Variants in TENT5D observed in about 807,000 individuals in gnomAD.
TENT5D encodes the protein terminal nucleotidyltransferase 5D.
For missense variants in TENT5D, 191 were observed against 287.0 expected (o/e 0.67, Z 2.42); for synonymous variants, 103 against 100.6 (o/e 1.02, Z -0.15).
chrX:80,349,529 C>A (rs561387978), intron 3 of TENT5D, among the ~76,000 whole-genome samples: 1 of 110,129 alleles, frequency 9.1e-6, no homozygotes, highest in East Asian at 2.9e-4. Flanking sequence ...TTTATTGTGT[C>A]TGTTTGATTC....
chrX:80,397,024 G>A (rs762312531), intron 3 of TENT5D, among the ~76,000 whole-genome samples: 7 of 97,343 alleles, frequency 7.2e-5, no homozygotes, highest in African/African-American at 1.1e-4. Flanking sequence ...CTGGCCGGGG[G>A]GGGGGCTGAC....
At chrX:80,341,936 C>G (rs1289876015) in intron 2 of TENT5D, among the ~76,000 whole-genome samples, 1 of 108,405 alleles carries the variant, frequency 9.2e-6, no homozygotes, top group African/African-American at 3.3e-5. Context: ...TGGTCTCGAT[C>G]TCCTGACCTC....
At chrX:80,402,676 A>C (rs1931409610) in intron 3 of TENT5D, among the ~76,000 whole-genome samples, 2 of 111,329 alleles carry the variant, frequency 1.8e-5, no homozygotes, top group South Asian at 7.4e-4. Flanking sequence ...TTTAATTTTC[A>C]TGTATTTGTG....
intron 2 of TENT5D, among the ~76,000 whole-genome samples, chrX:80,337,242 AT>A (rs766683705): frequency 8.9e-6 from 1 of 112,049 alleles, no homozygotes; most frequent in South Asian, 3.7e-4. Context: ...TAAAATATTT[AT>A]AAAATGTGTG....
intron 3 of TENT5D, among the ~76,000 whole-genome samples, chrX:80,408,948 G>T: frequency 9.0e-6 from 1 of 110,711 alleles, no homozygotes; most frequent in South Asian, 3.9e-4. Flanking sequence ...TTCAATATAC[G>T]CAAATCAATA....
intron 3 of TENT5D, among the ~76,000 whole-genome samples, chrX:80,387,260 G>T (rs916168810): frequency 8.0e-5 from 9 of 112,007 alleles, no homozygotes; most frequent in African/African-American, 2.6e-4. Flanking sequence ...TTGTAGTGCG[G>T]TCAGATTTTA....
chrX:80,396,074 C>T (rs1272071628), intron 3 of TENT5D, among the ~76,000 whole-genome samples: 3 of 109,628 alleles, frequency 2.7e-5, no homozygotes, highest in Non-Finnish European at 3.8e-5. Context: ...ATATATACCA[C>T]ACTTTCTTTA....
In TENT5D at chrX:80,392,495, C is replaced by CTTTTTTTTTTTTTTTTTTTTT. The variant is rs72029455; in HGVS notation, c.-141-46103_-141-46083dup. ...TTTATAGCTTTATTCTCATTTTATT[C>CTTTTTTTTTTTTTTTTTTTTT]TTTTTTTTTTTTTTTTTTTTTTTTT... On this transcript the variant is annotated intron_variant, in intron 3 of 4. Coordinates refer to the TENT5D transcript ENST00000538312. 8.2e-5 allele frequency among the ~76,000 whole-genome samples: 2 copies of CTTTTTTTTTTTTTTTTTTTTT among 24,303 alleles called. 1 individual carries two copies. Among genetic ancestry groups the CTTTTTTTTTTTTTTTTTTTTT allele is most frequent in the Non-Finnish European group, 1.3e-4 (2 of 15,400 alleles). The allele number at this position is 24,303 out of a possible 115,157, so 21.1% of individuals were successfully genotyped here.
intron 3 of TENT5D, among the ~76,000 whole-genome samples, chrX:80,364,313 C>T (rs758027835): frequency 3.0e-4 from 34 of 111,781 alleles, no homozygotes; most frequent in African/African-American, 1.0e-3. Flanking sequence ...CTTTACTCCA[C>T]GTGCAGTAAA....
rs145679390 is a variant in TENT5D at position 80,346,126 on chromosome X, T to C, written c.-142+3562T>C. 3.7e-3 allele frequency among the ~76,000 whole-genome samples: 417 copies of C among 112,236 alleles called. 4 individuals carry two copies. Among genetic ancestry groups the C allele is most frequent in the African/African-American group, 0.013 (404 of 30,924 alleles). On this transcript the variant is annotated intron_variant, in intron 3 of 4. Transcript: ENST00000538312. ...CATTTAAATGGAATCATACAGCATG[T>C]AATGTTATGTGACTGGCTTCTTTAA...
chrX:80,411,024 C>A (rs200446608), intron 3 of TENT5D, among the ~76,000 whole-genome samples: 3 of 98,460 alleles, frequency 3.0e-5, no homozygotes, highest in East Asian at 6.6e-4. Context: ...TATTCTCACT[C>A]ATAGGTGGGA....
chrX:80,385,250 C>A (rs1010526195), intron 3 of TENT5D, among the ~76,000 whole-genome samples: 8 of 110,812 alleles, frequency 7.2e-5, no homozygotes, highest in Non-Finnish European at 1.5e-4. Context: ...AAGAACAGAG[C>A]CCTCAGAAAT....
chrX:80,344,785 A>C (rs1469257839), intron 3 of TENT5D, among the ~76,000 whole-genome samples: 1 of 111,381 alleles, frequency 9.0e-6, no homozygotes, highest in Non-Finnish European at 1.9e-5. Context: ...AATATTAAGA[A>C]TAGAAATGTT....
At chrX:80,406,936 G>A (rs891556906) in intron 3 of TENT5D, among the ~76,000 whole-genome samples, 5 of 104,079 alleles carry the variant, frequency 4.8e-5, no homozygotes, top group Non-Finnish European at 7.9e-5. Flanking sequence ...AGAGAGTGGC[G>A]GCCAATATTC....
At chrX:80,439,659 T>G (rs1932242927) in intron 2 of TENT5D, among the ~76,000 whole-genome samples, 1 of 110,911 alleles carries the variant, frequency 9.0e-6, no homozygotes, top group Non-Finnish European at 1.9e-5. Flanking sequence ...TGATTATTCA[T>G]GTTAATAGAG....
At chrX:80,407,353 C>T (rs1931523862) in intron 3 of TENT5D, among the ~76,000 whole-genome samples, 2 of 109,689 alleles carry the variant, frequency 1.8e-5, no homozygotes, top group Admixed American at 9.7e-5. Flanking sequence ...ATTCAGGAAA[C>T]CCATCTCATG....
At chrX:80,368,138 TA>T (rs1233247769) in intron 3 of TENT5D, among the ~76,000 whole-genome samples, 2 of 111,693 alleles carry the variant, frequency 1.8e-5, no homozygotes, top group African/African-American at 3.2e-5. Context: ...AAAATAAAAA[TA>T]ATTTTAAAAT....
chrX:80,400,369 A>G (rs1316087231), intron 3 of TENT5D, among the ~76,000 whole-genome samples: 1 of 111,435 alleles, frequency 9.0e-6, no homozygotes, highest in Non-Finnish European at 1.9e-5. Context: ...TCCTATGGAA[A>G]CACCCTCACG....
intron 3 of TENT5D, among the ~76,000 whole-genome samples, chrX:80,389,535 C>A (rs1273378569): frequency 1.8e-5 from 2 of 112,065 alleles, no homozygotes; most frequent in Non-Finnish European, 3.8e-5. Flanking sequence ...AATCTTAGTG[C>A]TGAGCACACC....
Sources: gnomAD v4.1 joint callset for allele counts (sites outside exome capture counted in the v4.1 genomes callset) on GRCh38, gnomAD v4.1.1 for gene constraint, MANE v1.5 for transcripts, NCBI Gene and HGNC (gene_info 2026-07-23, HGNC 2026-07-21) for gene names.